Variants in CCDC149 observed in about 807,000 individuals in gnomAD.
CCDC149 encodes coiled-coil domain-containing protein 149.
In CCDC149, 45 loss-of-function variants were observed where a neutral mutation model predicts 59.9. That is an observed-to-expected ratio of 0.75 (90% CI 0.59 to 0.96). CCDC149 has a LOEUF of 0.96. Among genes scored for constraint, CCDC149 ranks in the 40% least tolerant of loss-of-function variants. The pLI, the probability that CCDC149 is intolerant of heterozygous loss-of-function variation, is 0.00. For synonymous variants in CCDC149, 245 were observed against 260.6 expected, an observed-to-expected ratio of 0.94 and a Z score of 0.58; for missense variants, 584 against 664.7, an observed-to-expected ratio of 0.88 and a Z score of 1.33.
intron 1 of CCDC149, among the ~76,000 whole-genome samples, chr4:24,943,992 C>T (rs1342265985): frequency 2.6e-5 from 4 of 152,184 alleles, no homozygotes; most frequent in Non-Finnish European, 4.4e-5. Flanking sequence ...GTCAGTGTGG[C>T]GATTCCTCAG....
At chr4:24,821,964 C>T (rs1165824024) in intron 10 of CCDC149, among the ~76,000 whole-genome samples, 2 of 152,094 alleles carry the variant, frequency 1.3e-5, no homozygotes, top group Non-Finnish European at 2.9e-5. Context: ...TGGTGGAGTA[C>T]ATTTTGGGTT....
intron 11 of CCDC149, 72 bp from the exon 12 acceptor site, chr4:24,820,047 T>G (rs1428128953): frequency 2.7e-6 from 3 of 1,120,888 alleles, no homozygotes; most frequent in Non-Finnish European, 3.9e-6. Flanking sequence ...TCCCACACAC[T>G]TAATCGGCAC....
intron 1 of CCDC149, among the ~76,000 whole-genome samples, chr4:24,968,678 T>A (rs1219540940): frequency 6.6e-6 from 1 of 152,230 alleles, no homozygotes; most frequent in African/African-American, 2.4e-5. Flanking sequence ...CAGTCCAGCC[T>A]AGTACTAACA....
At chr4:24,944,010 G>C (rs1232816775) in intron 1 of CCDC149, among the ~76,000 whole-genome samples, 2 of 152,166 alleles carry the variant, frequency 1.3e-5, no homozygotes, top group African/African-American at 2.4e-5. Flanking sequence ...CAGGGATCTA[G>C]AACTACAAAT....
At chr4:24,824,368 A>T (rs1169146744) in intron 9 of CCDC149, among the ~76,000 whole-genome samples, 1 of 152,194 alleles carries the variant, frequency 6.6e-6, no homozygotes, top group Non-Finnish European at 1.5e-5. Flanking sequence ...AAGTTATGAC[A>T]GTAGAAATAA....
chr4:24,864,909 G>A (rs1293389423), intron 3 of CCDC149, among the ~76,000 whole-genome samples: 1 of 152,172 alleles, frequency 6.6e-6, no homozygotes, highest in Non-Finnish European at 1.5e-5. Context: ...AGGTTCTGCA[G>A]GGCTGACTGG....
At chr4:24,932,182 G>C (rs141965307) in intron 1 of CCDC149, among the ~76,000 whole-genome samples, 1 of 152,028 alleles carries the variant, frequency 6.6e-6, no homozygotes, top group Non-Finnish European at 1.5e-5. Flanking sequence ...ATTTGTTTCT[G>C]TATTTGTCAT....
chr4:24,966,149 A>G (rs1382017123), intron 1 of CCDC149, among the ~76,000 whole-genome samples: 4 of 152,124 alleles, frequency 2.6e-5, no homozygotes, highest in Non-Finnish European at 4.4e-5. Flanking sequence ...GCAGGTGAGT[A>G]CGTGGTTGGC....
At chr4:24,951,903 A>G (rs1723301956) in intron 1 of CCDC149, among the ~76,000 whole-genome samples, 1 of 152,222 alleles carries the variant, frequency 6.6e-6, no homozygotes, top group Non-Finnish European at 1.5e-5. Context: ...CCGCAGAGGT[A>G]AGTGCTGTAT....
intron 1 of CCDC149, among the ~76,000 whole-genome samples, chr4:24,954,263 G>A (rs1385150106): frequency 2.0e-5 from 3 of 152,190 alleles, no homozygotes; most frequent in Non-Finnish European, 2.9e-5. Context: ...TACAGCCCAG[G>A]CTTCATGCAT....
At chr4:24,976,195 C>T (rs1299774534) in intron 1 of CCDC149, among the ~76,000 whole-genome samples, 2 of 152,144 alleles carry the variant, frequency 1.3e-5, no homozygotes, top group East Asian at 3.9e-4. Context: ...GTACGTGGAG[C>T]TCAAAGAGAT....
At chr4:24,963,017 T>C (rs1723686953) in intron 1 of CCDC149, among the ~76,000 whole-genome samples, 1 of 151,552 alleles carries the variant, frequency 6.6e-6, no homozygotes, top group Non-Finnish European at 1.5e-5. Context: ...ATGCTCTCCT[T>C]AGCCAAAAAA....
intron 1 of CCDC149, among the ~76,000 whole-genome samples, chr4:24,893,634 T>TTTTTTTTTTTTTTTA (rs1720663431): frequency 6.9e-6 from 1 of 144,406 alleles, no homozygotes; most frequent in African/African-American, 2.6e-5. Flanking sequence ...TTTTTTTTTT[T>TTTTTTTTTTTTTTTA]GAGATGAAGT....
At chr4:24,945,870 C>A (rs1723094454) in intron 1 of CCDC149, among the ~76,000 whole-genome samples, 1 of 152,140 alleles carries the variant, frequency 6.6e-6, no homozygotes, top group African/African-American at 2.4e-5. Context: ...GATCCACCCA[C>A]CTGGGCCTCC....
chr4:24,979,011 G>C (rs1438944085), intron 1 of CCDC149, among the ~76,000 whole-genome samples: 1 of 152,194 alleles, frequency 6.6e-6, no homozygotes, highest in Non-Finnish European at 1.5e-5. Context: ...CAAATGGTTT[G>C]GGGGCACAGG....
intron 3 of CCDC149, among the ~76,000 whole-genome samples, chr4:24,863,579 T>C (rs969588433): frequency 6.6e-6 from 1 of 152,180 alleles, no homozygotes; most frequent in Non-Finnish European, 1.5e-5. Flanking sequence ...AGTAGAAAAG[T>C]TCCTCTTCAA....
At chr4:24,975,884 T>C (rs1369946571) in intron 1 of CCDC149, among the ~76,000 whole-genome samples, 1 of 151,634 alleles carries the variant, frequency 6.6e-6, no homozygotes. Context: ...TCAAGCCTGG[T>C]TGGGGGTCCT....
At chr4:24,935,756 A>G (rs12643743) in intron 1 of CCDC149, among the ~76,000 whole-genome samples, 15,586 of 152,192 alleles carry the variant, frequency 0.1, 1,482 homozygotes, top group East Asian at 0.29. Context: ...GTATTTTGTT[A>G]TAGCAGTCAG....
At chr4:24,975,564 AGG>A (rs1309871960) in intron 1 of CCDC149, among the ~76,000 whole-genome samples, 5 of 95,220 alleles carry the variant, frequency 5.3e-5, no homozygotes, top group African/African-American at 1.9e-4. Context: ...AGGAGAGGAG[AGG>A]GGAGGGGAAG....
Sources: allele counts gnomAD v4.1 joint callset (sites outside exome capture counted in the v4.1 genomes callset), GRCh38; gene constraint gnomAD v4.1.1; transcripts MANE v1.5; gene names NCBI Gene and HGNC (gene_info 2026-07-23, HGNC 2026-07-21).